Variants in MPP7 observed in about 807,000 individuals in gnomAD.
MPP7 encodes MAGUK p55 scaffold protein 7.
In MPP7, 60 loss-of-function variants were observed where a neutral mutation model predicts 76.5. That is an observed-to-expected ratio of 0.78 (90% CI 0.64 to 0.97). The LOEUF is 0.97. Ranked by LOEUF, MPP7 falls within the 50% of genes least tolerant of loss-of-function variation. The pLI is 0.00. For synonymous variants in MPP7, 237 were observed against 244.5 expected (o/e 0.97, Z 0.29); for missense variants, 641 against 694.0 (o/e 0.92, Z 0.86).
intron 1 of MPP7, among the ~76,000 whole-genome samples, chr10:28,266,670 T>C (rs1039102757): frequency 4.6e-5 from 7 of 152,236 alleles, no homozygotes; most frequent in African/African-American, 7.2e-5. Context: ...TGTTTCATTT[T>C]TGTAATCACT....
At chr10:28,136,341 T>A (rs1173773416) in intron 5 of MPP7, among the ~76,000 whole-genome samples, 1 of 151,932 alleles carries the variant, frequency 6.6e-6, no homozygotes, top group Non-Finnish European at 1.5e-5. Flanking sequence ...GCCAAAATGG[T>A]TGGAGAAGGT....
intron 13 of MPP7, among the ~76,000 whole-genome samples, chr10:28,065,400 T>A (rs1035047360): frequency 6.6e-6 from 1 of 152,208 alleles, no homozygotes; most frequent in East Asian, 1.9e-4. Context: ...CTAGGTCTGA[T>A]GTTATTTTAC....
chr10:28,175,136 AT>A (rs1258978305), intron 3 of MPP7, among the ~76,000 whole-genome samples: 2 of 152,124 alleles, frequency 1.3e-5, no homozygotes, highest in Non-Finnish European at 2.9e-5. Context: ...CTAAAAATCC[AT>A]AAATCAGTTG....
At chr10:28,275,831 T>C (rs1234649151) in intron 1 of MPP7, among the ~76,000 whole-genome samples, 1 of 152,038 alleles carries the variant, frequency 6.6e-6, no homozygotes, top group Non-Finnish European at 1.5e-5. Flanking sequence ...AGAGCCATTA[T>C]GATAGGTCTC....
intron 11 of MPP7, among the ~76,000 whole-genome samples, chr10:28,119,421 T>C (rs1049646383): frequency 3.3e-5 from 5 of 152,158 alleles, no homozygotes; most frequent in South Asian, 4.1e-4. Context: ...GTCACTTTCT[T>C]AAAGAGTGAG....
intron 5 of MPP7, among the ~76,000 whole-genome samples, chr10:28,132,667 T>C (rs1835231244): frequency 1.3e-5 from 2 of 152,186 alleles, no homozygotes; most frequent in South Asian, 4.1e-4. Flanking sequence ...TGGTGCAATC[T>C]TGGCTTACCG....
intron 11 of MPP7, chr10:28,119,088 T>C (rs961096322): frequency 3.0e-6 from 3 of 984,760 alleles, no homozygotes; most frequent in East Asian, 2.3e-4. Flanking sequence ...AGTATTTAAA[T>C]GCACACTAAG....
chr10:28,172,718 A>G (rs1047087704), intron 3 of MPP7, among the ~76,000 whole-genome samples: 2 of 152,246 alleles, frequency 1.3e-5, no homozygotes, highest in Admixed American at 6.5e-5. Context: ...CAATTACACT[A>G]ATGATTGCTT....
At chr10:28,071,582 A>G (rs1429416661) in intron 12 of MPP7, among the ~76,000 whole-genome samples, 2 of 152,228 alleles carry the variant, frequency 1.3e-5, no homozygotes, top group Non-Finnish European at 2.9e-5. Flanking sequence ...TTGCTAATAT[A>G]ACTTATCGAC....
chr10:28,183,458 A>G (rs1054593100), intron 3 of MPP7, among the ~76,000 whole-genome samples: 3 of 152,168 alleles, frequency 2.0e-5, no homozygotes, highest in Admixed American at 6.5e-5. Flanking sequence ...GTAATTTTAA[A>G]AGAGTGAGAG....
intron 1 of MPP7, among the ~76,000 whole-genome samples, chr10:28,255,087 CAT>C (rs1839741819): frequency 6.6e-6 from 1 of 152,200 alleles, no homozygotes; most frequent in African/African-American, 2.4e-5. Flanking sequence ...CTCACTCTAA[CAT>C]AGTGCAAACA....
At chr10:28,178,845 A>G (rs529257391) in intron 3 of MPP7, among the ~76,000 whole-genome samples, 1 of 152,328 alleles carries the variant, frequency 6.6e-6, no homozygotes, top group South Asian at 2.1e-4. Context: ...TACAAAAAAG[A>G]AACAGAGACA....
intron 6 of MPP7, among the ~76,000 whole-genome samples, chr10:28,130,755 A>G (rs940142798): frequency 6.6e-6 from 1 of 152,212 alleles, no homozygotes; most frequent in African/African-American, 2.4e-5. Flanking sequence ...AGTATTTTCT[A>G]TTCTTCTGGG....
intron 2 of MPP7, among the ~76,000 whole-genome samples, chr10:28,327,722 A>C (rs1307534954): frequency 6.6e-6 from 1 of 152,232 alleles, no homozygotes; most frequent in Non-Finnish European, 1.5e-5. Flanking sequence ...GTCAAGAACC[A>C]AGTGAAAATT....
intron 3 of MPP7, among the ~76,000 whole-genome samples, chr10:28,177,011 G>A (rs1309927877): frequency 6.8e-6 from 1 of 146,602 alleles, no homozygotes; most frequent in South Asian, 2.1e-4. Flanking sequence ...ATGTACCCTA[G>A]AACTTAAAGT....
At chr10:28,291,748 T>C (rs537969602) in intron 1 of MPP7, among the ~76,000 whole-genome samples, 19 of 152,374 alleles carry the variant, frequency 1.2e-4, no homozygotes, top group Non-Finnish European at 2.4e-4. Context: ...TTGTACACTA[T>C]AAAATGTGCT....
At chr10:28,324,795 T>A (rs938686358) in intron 2 of MPP7, among the ~76,000 whole-genome samples, 4 of 152,190 alleles carry the variant, frequency 2.6e-5, no homozygotes, top group Admixed American at 2.0e-4. Flanking sequence ...GGTTTATACA[T>A]CCCGGAGTGA....
rs75116136 is a variant in MPP7, at chr10:28,225,980, C to T, written c.37+12588G>A. Among the ~76,000 whole-genome samples the T allele has an allele frequency of 3.1e-3, 478 of 152,230 alleles. 2 individuals carry two copies. The highest frequency in any genetic ancestry group is 0.01 in the African/African-American group (431 of 41,532). On this transcript the variant is annotated intron_variant, in intron 2 of 16. Transcript: ENST00000683449. ...ACGCACAATAGCTAAAATATGGAAA[C>T]ATCTCACATGTCCACCAACTGATAA...
chr10:28,116,850 G>A (rs1414100033), intron 11 of MPP7, among the ~76,000 whole-genome samples: 1 of 152,084 alleles, frequency 6.6e-6, no homozygotes, highest in East Asian at 1.9e-4. Flanking sequence ...ACATAACCAA[G>A]CAACAAAGAT....
Sources: gnomAD v4.1 joint callset for allele counts (sites outside exome capture counted in the v4.1 genomes callset) on GRCh38, gnomAD v4.1.1 for gene constraint, MANE v1.5 for transcripts, NCBI Gene and HGNC (gene_info 2026-07-23, HGNC 2026-07-21) for gene names.